LMO2: variants seen among roughly 807,000 people sequenced by gnomAD.
LMO2 encodes the protein rhombotin-2.
LMO2 carries 20 observed loss-of-function variants against 23.2 expected under a neutral mutation model. The observed-to-expected ratio is 0.86, with a 90% CI of 0.61 to 1.25. The LOEUF is 1.25. Among genes scored for constraint, LMO2 ranks in the 50% most tolerant of loss-of-function variants. The probability of loss-of-function intolerance (pLI) is 0.00; values close to 1 mark genes in which losing one functional copy is unlikely to be tolerated. For synonymous variants in LMO2, 123 were observed against 130.2 expected (o/e 0.94, Z 0.38); for missense variants, 270 against 315.3 (o/e 0.86, Z 1.09).
chr11:33,870,379 G>A, intron 2 of LMO2: 1 of 985,544 alleles, frequency 1.0e-6, no homozygotes. Flanking sequence ...TTTTCCGCCC[G>A]TCCCAGGTTC....
At chr11:33,870,457 C>A in intron 2 of LMO2, 5 of 986,326 alleles carry the variant, frequency 5.1e-6, no homozygotes, top group Non-Finnish European at 6.0e-6. Context: ...GGGCTGCGGG[C>A]TACGGGCTGC....
At chr11:33,859,790 C>A (rs1427146845) in intron 5 of LMO2, among the ~76,000 whole-genome samples, 1 of 152,126 alleles carries the variant, frequency 6.6e-6, no homozygotes, top group East Asian at 1.9e-4. Flanking sequence ...TAACTCCTCC[C>A]TTTTCTGAGC....
rs1001631781 is a variant in LMO2, at chr11:33,869,583, C to T, written c.11G>A (p.Ser4Asn). 1 of 1,301,538 alleles carries T rather than the reference C, an allele frequency of 7.7e-7. No individual in the cohort carries two copies. Among genetic ancestry groups the T allele is most frequent in the African/African-American group, 1.6e-5 (1 of 63,198 alleles). 80.6% of individuals were successfully genotyped at this position (1,301,538 alleles called of 1,614,324 possible). A position where few individuals can be genotyped will look rare whatever the true frequency, so the allele number is the denominator to read the frequency against. The change falls in exon 4 of 6, where the codon AGC becomes AAC. Residue 4 changes from serine (S) to asparagine (N), a missense_variant. Physicochemically the swap from Ser to Asn is conservative, Grantham distance 46. Around this residue, in one of 2 missense-constraint regions of LMO2, gnomAD observed 170 missense variants for 162.0 expected, o/e 1.05. Coordinates refer to ENST00000257818, the MANE Select transcript of LMO2 (RefSeq NM_005574.4). MEG[S>N]AVTVLERGGA... ...TCCGCGCTCAAGGACAGTCACCGCG[C>T]TCCCTTCAAACGCCAAAGAGAGAGA...
At chr11:33,877,461 CTTTTTT>C (rs398015741) in intron 2 of LMO2, among the ~76,000 whole-genome samples, 1 of 104,404 alleles carries the variant, frequency 9.6e-6, no homozygotes, top group South Asian at 3.4e-4. Context: ...TCTCCAGATT[CTTTTTT>C]TTTTTTTTTT....
At chr11:33,886,925 T>C (rs1408658303) in intron 1 of LMO2, among the ~76,000 whole-genome samples, 2 of 152,238 alleles carry the variant, frequency 1.3e-5, no homozygotes, top group Admixed American at 6.5e-5. Context: ...TAGAAACATG[T>C]TGTCAGGGAC....
chr11:33,869,489 G>A lies in LMO2; in HGVS notation c.105C>T (p.Gly35=), dbSNP rs1856925996. The A allele has an allele frequency of 1.7e-6, 2 of 1,201,514 alleles. No individual in the cohort carries two copies. The highest frequency in any genetic ancestry group is 2.1e-6 in the Non-Finnish European group (2 of 964,802). The allele number at this position is 1,201,514 out of a possible 1,614,324, so 74.4% of individuals were successfully genotyped here. Residue 35 remains glycine, a synonymous_variant, in exon 4 of 6, where the codon GGC becomes GGT. Coordinates refer to ENST00000257818, the MANE Select transcript of LMO2 (RefSeq NM_005574.4). The part of the protein sequence containing the change: ...RRRSGGDGGG[G]GGARAPEGVR... ...CCCCCTCGGGTGCTCGGGCGCCGCC[G>A]CCGCCGCCGCCGTCGCCGCCGCTCC...
At chr11:33,876,410 A>G (rs1857139726) in intron 2 of LMO2, among the ~76,000 whole-genome samples, 1 of 152,214 alleles carries the variant, frequency 6.6e-6, no homozygotes, top group Non-Finnish European at 1.5e-5. Flanking sequence ...CCCTCAATAA[A>G]TATTCATTAA....
At chr11:33,875,412 T>C (rs1331424991) in intron 2 of LMO2, among the ~76,000 whole-genome samples, 1 of 151,856 alleles carries the variant, frequency 6.6e-6, no homozygotes, top group Non-Finnish European at 1.5e-5. Flanking sequence ...ACCCTATCTC[T>C]ACTAAAAATA....
At chr11:33,877,927 TTC>T (rs1293412231) in intron 2 of LMO2, among the ~76,000 whole-genome samples, 1 of 152,096 alleles carries the variant, frequency 6.6e-6, no homozygotes, top group Non-Finnish European at 1.5e-5. Context: ...GCTGCTTCCC[TTC>T]AGTCACCCCT....
chr11:33,886,454 T>C (rs1857409906), intron 1 of LMO2, among the ~76,000 whole-genome samples: 1 of 152,160 alleles, frequency 6.6e-6, no homozygotes. Flanking sequence ...TGTAGAAGAA[T>C]TGTACATTCC....
intron 2 of LMO2, among the ~76,000 whole-genome samples, chr11:33,874,532 C>G (rs1221442538): frequency 6.6e-6 from 1 of 152,204 alleles, no homozygotes; most frequent in Non-Finnish European, 1.5e-5. Flanking sequence ...AAATACTTTG[C>G]ACAGTGATGC....
intron 4 of LMO2, among the ~76,000 whole-genome samples, chr11:33,868,103 G>A (rs1421123403): frequency 1.3e-5 from 2 of 152,226 alleles, no homozygotes; most frequent in Non-Finnish European, 2.9e-5. Flanking sequence ...CAGAACTGGT[G>A]TCTTAACCTT....
chr11:33,869,961 T>G lies in LMO2; in HGVS notation c.-245A>C. On this transcript the variant is annotated 5_prime_UTR_variant, in exon 3 of 6. Transcript: ENST00000257818. ...AAGGTCTATTTTCGCTCAGCTTCCC[T>G]CTGTCTCTGGTTTCATTTCCTTTTT... 5 of 1,039,374 alleles carry G rather than the reference T, an allele frequency of 4.8e-6. No individual in the cohort carries two copies. Among genetic ancestry groups the G allele is most frequent in the Non-Finnish European group, 5.8e-6 (5 of 863,952 alleles). The allele number at this position is 1,039,374 out of a possible 1,614,324, so 64.4% of individuals were successfully genotyped here.
At chr11:33,870,553 G>A in intron 2 of LMO2, 2 of 985,732 alleles carry the variant, frequency 2.0e-6, no homozygotes, top group African/African-American at 1.7e-5. Flanking sequence ...AGCCGGGACT[G>A]CACGGGCTGG....
chr11:33,885,506 G>T (rs1420946387), intron 1 of LMO2, among the ~76,000 whole-genome samples: 2 of 152,220 alleles, frequency 1.3e-5, no homozygotes, highest in African/African-American at 4.8e-5. Flanking sequence ...ATTGCATGAG[G>T]TCCAGCCACT....
intron 5 of LMO2, among the ~76,000 whole-genome samples, chr11:33,863,017 GA>G (rs1220833651): frequency 6.6e-6 from 1 of 151,686 alleles, no homozygotes; most frequent in African/African-American, 2.4e-5. Flanking sequence ...TTTTATTCCT[GA>G]ATGTTATATA....
At chr11:33,861,202 C>T (rs774337779) in intron 5 of LMO2, among the ~76,000 whole-genome samples, 1 of 152,212 alleles carries the variant, frequency 6.6e-6, no homozygotes, top group Non-Finnish European at 1.5e-5. Context: ...AATTTTCACT[C>T]GTGGCTGAAA....
chr11:33,885,533 T>C (rs907642897), intron 1 of LMO2, among the ~76,000 whole-genome samples: 4 of 152,216 alleles, frequency 2.6e-5, no homozygotes, highest in African/African-American at 4.8e-5. Context: ...TGGCTTTATC[T>C]CTGTGTACAT....
intron 5 of LMO2, among the ~76,000 whole-genome samples, chr11:33,862,230 T>C (rs975744174): frequency 6.6e-6 from 1 of 152,178 alleles, no homozygotes; most frequent in African/African-American, 2.4e-5. Context: ...GGAATATAAG[T>C]TATGCCTGGC....
Sources: allele counts gnomAD v4.1 joint callset (sites outside exome capture counted in the v4.1 genomes callset), GRCh38; gene constraint gnomAD v4.1.1; regional missense constraint gnomAD v4.1.1; transcripts MANE v1.5; gene names NCBI Gene and HGNC (gene_info 2026-07-23, HGNC 2026-07-21).